Variants in MUC15 observed in about 807,000 individuals in gnomAD.
MUC15 encodes mucin-15.
Under a neutral mutation model 24.0 loss-of-function variants are expected in MUC15, and 23 were observed. The ratio of observed to expected loss-of-function variants is 0.96; its 90% confidence interval spans 0.69 to 1.36. MUC15 has a LOEUF of 1.36. Ranked by LOEUF, MUC15 falls within the 40% of genes most tolerant of loss-of-function variation. The pLI is 0.00. For synonymous variants in MUC15, 151 were observed against 156.3 expected, an observed-to-expected ratio of 0.97 and a Z score of 0.25; for missense variants, 442 against 428.2, an observed-to-expected ratio of 1.03 and a Z score of -0.29.
chr11:26,567,932 A>C (rs1850659830), intron 1 of MUC15, among the ~76,000 whole-genome samples: 1 of 152,124 alleles, frequency 6.6e-6, no homozygotes, highest in East Asian at 1.9e-4. Flanking sequence ...AAAGTTCAAA[A>C]ACAGGCAAAA....
chr11:26,561,669 C>G (rs1850299315), intron 4 of MUC15, among the ~76,000 whole-genome samples: 1 of 151,846 alleles, frequency 6.6e-6, no homozygotes, highest in South Asian at 2.1e-4. Flanking sequence ...ATCTTGATGG[C>G]TAAACCATTT....
Position 26,565,253 on chromosome 11 carries a change from G to A in MUC15, c.687C>T (p.Thr229=). 14 of 1,585,792 alleles carry A rather than the reference G, an allele frequency of 8.8e-6. No individual in the cohort carries two copies. Among genetic ancestry groups the A allele is most frequent in the Non-Finnish European group, 1.2e-5 (14 of 1,165,204 alleles). ...TTNSDSFTGF[T]PYQEKTTLQP... ...GTAGAGTTGTTTTTTCTTGATAAGG[G>A]GTAAACCCAGTGAAGCTATCACTGT... Residue 229 remains threonine, a synonymous_variant, in exon 3 of 5, where the codon ACC becomes ACT. Transcript: ENST00000529533.
rs1850270425 is a variant in MUC15, at chr11:26,561,096, T to A, written c.1055A>T (p.Asp352Val). 1 of 1,611,858 alleles carries A rather than the reference T, an allele frequency of 6.2e-7. No individual in the cohort carries two copies. The highest frequency in any genetic ancestry group is 2.2e-5 in the East Asian group (1 of 44,720). ...EENARDGIPMDDIPPLRTSV is the reference protein window; with the variant it reads ...EENARDGIPMVDIPPLRTSV ...AGAAGTACGAAGTGGAGGTATGTCA[T>A]CCATAGGAATGCCATCACGTGCATT... The change falls in exon 5 of 5, where the codon GAT (aspartate) becomes GTT (valine). Residue 352 changes from aspartate to valine, a missense_variant. Transcript: ENST00000529533.
intron 3 of MUC15, among the ~76,000 whole-genome samples, chr11:26,563,756 T>C (rs1850398377): frequency 6.6e-6 from 1 of 151,880 alleles, no homozygotes; most frequent in Non-Finnish European, 1.5e-5. Flanking sequence ...AAAATCAGTG[T>C]ATCCTGATAG....
rs1180957252 is a variant in MUC15, at chr11:26,566,038, T to G, written c.44-142A>C. Reference sequence around the variant, plus strand: ...TATTTTTATTCCAAAATTGCTTATTTTGGATTATGTACTTAAATTAGTGCC... The same window carrying G: ...TATTTTTATTCCAAAATTGCTTATTGTGGATTATGTACTTAAATTAGTGCC... On this transcript the variant is annotated intron_variant, in intron 2 of 4. Coordinates refer to ENST00000529533, the MANE Select transcript of MUC15 (RefSeq NM_001135091.2). The G allele has an allele frequency of 3.3e-6, 3 of 898,406 alleles. No individual in the cohort carries two copies. The African/African-American group carries it at 5.2e-5, about 16-fold the overall frequency. 55.7% of individuals were successfully genotyped at this position (898,406 alleles called of 1,614,324 possible). A position where few individuals can be genotyped will look rare whatever the true frequency, so the allele number is the denominator to read the frequency against.
At chr11:26,569,619 G>A (rs761651366) in intron 1 of MUC15, among the ~76,000 whole-genome samples, 1 of 152,088 alleles carries the variant, frequency 6.6e-6, no homozygotes, top group Non-Finnish European at 1.5e-5. Flanking sequence ...AAAGCACATT[G>A]CAAGTGACAG....
chr11:26,565,538 G>A lies in MUC15; in HGVS notation c.402C>T (p.Ser134=). 1 of 1,613,304 alleles carries A rather than the reference G, an allele frequency of 6.2e-7. No individual in the cohort carries two copies. The highest frequency in any genetic ancestry group is 1.7e-4 in the Middle Eastern group (1 of 6,058). ...AGCTATGGATCAAGGGAGGGCTTGT[G>A]GAAATGGTAGATGTGGGTTTTAGAC... is the stretch of plus-strand genomic sequence containing the variant. ...LGSLKPTSTI[S]TSPPLIHSFV... Residue 134 remains serine, a synonymous_variant, in exon 3 of 5, where the codon TCC becomes TCT. Transcript: ENST00000529533.
rs78056219 is a variant in MUC15 at position 26,565,026 on chromosome 11, A to C, written c.775+139T>G. The C allele has an allele frequency of 1.6e-3, 1,221 of 780,716 alleles. 14 individuals carry two copies. The African/African-American group carries it at 0.019, about 12-fold the overall frequency. 48.4% of individuals were successfully genotyped at this position (780,716 alleles called of 1,614,324 possible). On this transcript the variant is annotated intron_variant, in intron 3 of 4. Transcript: ENST00000529533. ...ACTATTTCTAGTGACTATAATGATC[A>C]TCCCTCAAAAGTGAGAAAATCCATG... is the stretch of plus-strand genomic sequence containing the variant.
In MUC15 at chr11:26,559,548, CAT is replaced by C. The variant is rs746150272; in HGVS notation, c.*1515_*1516del. The C allele has an allele frequency of 3.1e-5, 18 of 572,496 alleles. No homozygotes were observed. The highest frequency in any genetic ancestry group is 4.8e-4 in the Middle Eastern group (1 of 2,102). The allele number at this position is 572,496 out of a possible 1,614,324, so 35.5% of individuals were successfully genotyped here. A position where few individuals can be genotyped will look rare whatever the true frequency, so the allele number is the denominator to read the frequency against. On this transcript the variant is annotated 3_prime_UTR_variant, in exon 5 of 5. Coordinates refer to ENST00000529533, the MANE Select transcript of MUC15 (RefSeq NM_001135091.2). ...CTTCACCTCTCCCCATGAGAAAAAT[CAT>C]GTGAAATTGTTGCAAGACCCATGAA...
chr11:26,565,982 A>G (rs1310796537), intron 2 of MUC15, 86 bp from the exon 3 acceptor site: 1 of 1,262,402 alleles, frequency 7.9e-7, no homozygotes, highest in Non-Finnish European at 1.1e-6. Flanking sequence ...AGTGATAAAA[A>G]TCTAGACATA....
chr11:26,563,815 G>T (rs1420574614), intron 3 of MUC15, among the ~76,000 whole-genome samples: 1 of 151,868 alleles, frequency 6.6e-6, no homozygotes. Flanking sequence ...TAACTTCAGT[G>T]CCTTGCATAT....
intron 2 of MUC15, 116 bp from the exon 3 acceptor site, chr11:26,566,012 A>G (rs1488036181): frequency 1.8e-6 from 2 of 1,088,342 alleles, no homozygotes; most frequent in Non-Finnish European, 2.5e-6. Flanking sequence ...TGGTAATATC[A>G]TATTTTTATT....
chr11:26,564,980 T>C (rs921589551), intron 3 of MUC15, among the ~76,000 whole-genome samples, 185 bp downstream of exon 3: 3 of 151,024 alleles, frequency 2.0e-5, no homozygotes, highest in Admixed American at 6.6e-5. Context: ...TATATGTTCA[T>C]TGAAGCCCTA....
chr11:26,572,166 G>T lies in MUC15; in HGVS notation c.-171C>A. 1 of 985,376 alleles carries T rather than the reference G, an allele frequency of 1.0e-6. No individual in the cohort carries two copies. Among genetic ancestry groups the T allele is most frequent in the East Asian group, 1.1e-4 (1 of 8,786 alleles). 61.0% of individuals were successfully genotyped at this position (985,376 alleles called of 1,614,324 possible). ...GTGACAATGTCGCACTGAGCAGGAG[G>T]GTGCCAGGGAAACAAAATTAGGTGG... is the stretch of plus-strand genomic sequence containing the variant. On this transcript the variant is annotated 5_prime_UTR_variant, in exon 1 of 5. Transcript: ENST00000529533.
intron 1 of MUC15, among the ~76,000 whole-genome samples, chr11:26,570,325 A>C (rs117650702): frequency 2.0e-5 from 3 of 152,012 alleles, no homozygotes; most frequent in African/African-American, 7.2e-5. Flanking sequence ...AAAACAAAAA[A>C]CACCTCTGGC....
At chr11:26,569,912 C>T (rs935681680) in intron 1 of MUC15, among the ~76,000 whole-genome samples, 1 of 151,774 alleles carries the variant, frequency 6.6e-6, no homozygotes, top group African/African-American at 2.4e-5. Context: ...CAGGAGAACC[C>T]AGTAATGATT....
Position 26,565,442 on chromosome 11 carries a change from A to G in MUC15, c.498T>C (p.Asn166=). The G allele has an allele frequency of 6.2e-7, 1 of 1,613,336 alleles. No individual in the cohort carries two copies. The highest frequency in any genetic ancestry group is 1.1e-5 in the South Asian group (1 of 91,064). The change falls in exon 3 of 5, where the codon AAT becomes AAC. Residue 166 remains asparagine, a synonymous_variant. Coordinates refer to ENST00000529533, the MANE Select transcript of MUC15 (RefSeq NM_001135091.2). ...EDLLPISAHP[N]ATPALSSENF... ...TTTCTGAAGACAGAGCAGGTGTAGCATTGGGATGTGCTGAGATGGGCAAAA... is the reference window on the plus strand; with the variant it reads ...TTTCTGAAGACAGAGCAGGTGTAGCGTTGGGATGTGCTGAGATGGGCAAAA...
chr11:26,571,599 G>A (rs1850830444), intron 1 of MUC15, among the ~76,000 whole-genome samples: 1 of 151,908 alleles, frequency 6.6e-6, no homozygotes, highest in Admixed American at 6.6e-5. Flanking sequence ...AATACTTAAA[G>A]CAAAAACCTC....
At chr11:26,564,847 T>C in intron 3 of MUC15, among the ~76,000 whole-genome samples, 1 of 144,866 alleles carries the variant, frequency 6.9e-6, no homozygotes, top group East Asian at 2.2e-4. Context: ...TCAAGATTCA[T>C]TGAAAATTGT....
Sources: allele counts gnomAD v4.1 joint callset (sites outside exome capture counted in the v4.1 genomes callset), GRCh38; gene constraint gnomAD v4.1.1; transcripts MANE v1.5; gene names NCBI Gene and HGNC (gene_info 2026-07-23, HGNC 2026-07-21).